The following ZIM3 variants were observed in gnomAD, a reference collection of about 807,000 sequenced individuals.
ZIM3 encodes zinc finger imprinted 3, also known as zinc finger protein 657.
Under a neutral mutation model 12.9 loss-of-function variants are expected in ZIM3, and 11 were observed. The observed-to-expected ratio is 0.85, with a 90% confidence interval of 0.54 to 1.41. ZIM3 has a LOEUF of 1.41. Among genes scored for constraint, ZIM3 ranks in the 40% most tolerant of loss-of-function variants. The pLI is 0.00. For synonymous variants in ZIM3, 205 were observed against 198.5 expected (o/e 1.03, Z -0.28); for missense variants, 604 against 557.2 (o/e 1.08, Z -0.85).
intron 3 of ZIM3, among the ~76,000 whole-genome samples, chr19:57,137,385 G>A (rs2086891559): frequency 1.3e-5 from 2 of 152,096 alleles, no homozygotes; most frequent in South Asian, 2.1e-4. Flanking sequence ...CTATTCAGGA[G>A]GCTGAGGTGG....
chr19:57,138,169 C>G (rs10401356), intron 3 of ZIM3, among the ~76,000 whole-genome samples: 2,718 of 150,502 alleles, frequency 0.018, 127 homozygotes, highest in African/African-American at 0.064. Flanking sequence ...AATGCTTTTT[C>G]TTCTTGGAGG....
Position 57,135,378 on chromosome 19 carries a change from G to T in ZIM3, c.959C>A (p.Ser320Ter). The T allele has an allele frequency of 1.9e-6, 3 of 1,613,908 alleles. No individual in the cohort carries two copies. The highest frequency in any genetic ancestry group is 2.5e-6 in the Non-Finnish European group (3 of 1,179,870). The change falls in exon 5 of 5, where the codon TCA becomes TAA. Residue 320 changes from serine (S) to a stop codon, truncating the protein, a stop_gained. Transcript: ENST00000269834. LOFTEE classifies it low-confidence loss of function (END_TRUNC). ...TDCGKAFIYK[S>*]DLVKHQRIHT... ...TATTCTCTGGTGTTTCACAAGATCTGACTTGTAAATGAAAGCCTTTCCACA... is the reference window on the plus strand; with the variant it reads ...TATTCTCTGGTGTTTCACAAGATCTTACTTGTAAATGAAAGCCTTTCCACA...
In ZIM3 at chr19:57,134,836, A is replaced by G. The variant is rs753611378; in HGVS notation, c.*82T>C. The G allele has an allele frequency of 1.2e-4, 171 of 1,395,366 alleles. No individual in the cohort carries two copies. The highest frequency in any genetic ancestry group is 1.6e-4 in the Non-Finnish European group (159 of 1,023,618). 86.4% of individuals were successfully genotyped at this position (1,395,366 alleles called of 1,614,324 possible). On this transcript the variant is annotated 3_prime_UTR_variant, in exon 5 of 5. Transcript: ENST00000269834. ...TACCTTCAAAAATAGCCTCCAAATT[A>G]GAGGCCATTTCAACATGGAATTCTG...
rs201539143 is a variant in ZIM3 at position 57,135,165 on chromosome 19, T to C, written c.1172A>G (p.Tyr391Cys). 1.4e-5 allele frequency: 23 copies of C among 1,614,126 alleles called. No individual in the cohort carries two copies. In the African/African-American group the frequency reaches 2.1e-4, roughly 15 times the overall value. Residue 391 changes from tyrosine (Y) to cysteine (C), a missense_variant, in exon 5 of 5, where the codon TAT becomes TGT. Transcript: ENST00000269834. ...HKKIHTGEKP[Y>C]ECNRCGKAFF... Reference sequence around the variant, plus strand: ...GGCTTTTCCACATCTGTTACATTCATAGGGCTTTTCCCCAGTATGGATTTT... The same window carrying C: ...GGCTTTTCCACATCTGTTACATTCACAGGGCTTTTCCCCAGTATGGATTTT...
At chr19:57,141,331 G>A (rs2086912630) in intron 2 of ZIM3, among the ~76,000 whole-genome samples, 1 of 150,636 alleles carries the variant, frequency 6.6e-6, no homozygotes, top group African/African-American at 2.4e-5. Context: ...AACCTGGGAG[G>A]TGGAGGTTGC....
Position 57,136,043 on chromosome 19 carries a change from CTCTT to C in ZIM3, c.290_293del (p.Lys97ArgfsTer15). The C allele has an allele frequency of 1.9e-6, 3 of 1,614,084 alleles. No homozygotes were observed. The highest frequency in any genetic ancestry group is 2.5e-6 in the Non-Finnish European group (3 of 1,179,994). On this transcript the variant is annotated frameshift_variant, in exon 5 of 5. Coordinates refer to ENST00000269834, the MANE Select transcript of ZIM3 (RefSeq NM_052882.1). LOFTEE classifies it low-confidence loss of function (END_TRUNC). ...TTGATGGGACTTCTCTTGCGAGACT[CTCTT>C]TCACATCCTTTGGCTTCCAAATCTG...
intron 1 of ZIM3, among the ~76,000 whole-genome samples, chr19:57,143,306 G>A (rs1440358714): frequency 6.6e-6 from 1 of 150,946 alleles, no homozygotes; most frequent in Non-Finnish European, 1.5e-5. Flanking sequence ...ACTCCAGCCT[G>A]GGCGACAGAG....
intron 4 of ZIM3, 79 bp downstream of exon 4, chr19:57,136,794 G>T: frequency 8.0e-7 from 1 of 1,243,646 alleles, no homozygotes; most frequent in Non-Finnish European, 1.2e-6. Context: ...ACAGCTGGCT[G>T]CCAAACGACT....
intron 4 of ZIM3, among the ~76,000 whole-genome samples, 175 bp downstream of exon 4, chr19:57,136,698 G>C (rs944805794): frequency 1.3e-5 from 2 of 150,294 alleles, no homozygotes; most frequent in Non-Finnish European, 3.0e-5. Flanking sequence ...GAGTTTGCCT[G>C]CAAAGGAAAA....
At position 57,135,538 on chromosome 19, in the gene ZIM3, TG is replaced by T; in HGVS notation, c.798del (p.Cys266Ter). 1 of 1,614,050 alleles carries T rather than the reference TG, an allele frequency of 6.2e-7. No homozygotes were observed. On this transcript the variant is annotated frameshift_variant, in exon 5 of 5. Transcript: ENST00000269834. LOFTEE classifies it low-confidence loss of function (END_TRUNC). The stretch of plus-strand genomic sequence containing the variant: ...GCATTATGAATTTTCTCATGATTAA[TG>T]CAGGATGATTTCCAGGAAAAGGCTT... ...CGKAFSWKSS[C>X]INHEKIHNAK...
chr19:57,137,464 G>A (rs1002476730), intron 3 of ZIM3, among the ~76,000 whole-genome samples: 4 of 152,034 alleles, frequency 2.6e-5, no homozygotes, highest in Non-Finnish European at 2.9e-5. Flanking sequence ...TGTAATACCA[G>A]AACTTTGGGA....
Position 57,136,075 on chromosome 19 carries a change from C to T in ZIM3, c.262G>A (p.Gly88Arg). 1 of 1,605,564 alleles carries T rather than the reference C, an allele frequency of 6.2e-7. No individual in the cohort carries two copies. The highest frequency in any genetic ancestry group is 8.5e-7 in the Non-Finnish European group (1 of 1,176,452). ...GRAEKNGDIG[G>R]QIWKPKDVKE... The stretch of plus-strand genomic sequence containing the variant: ...ACATCCTTTGGCTTCCAAATCTGCC[C>T]TCCAATGTCCCCATTTTTTTCTAAA... The change falls in exon 5 of 5, where the codon GGG (glycine) becomes AGG (arginine). Residue 88 changes from glycine (G) to arginine (R), a missense_variant. Transcript: ENST00000269834.
In ZIM3 at chr19:57,134,762, G is replaced by A; in HGVS notation, c.*156C>T. On this transcript the variant is annotated 3_prime_UTR_variant, in exon 5 of 5. Transcript: ENST00000269834. The stretch of plus-strand genomic sequence containing the variant: ...TATACTTAATAAACATTTGCTGAGT[G>A]AGTATGCCGAATGGGTTTTCAAAGG... 1 of 672,422 alleles carries A rather than the reference G, an allele frequency of 1.5e-6. No homozygotes were observed. Among genetic ancestry groups the A allele is most frequent in the Non-Finnish European group, 2.5e-6 (1 of 399,810 alleles). The allele number at this position is 672,422 out of a possible 1,614,324, so 41.7% of individuals were successfully genotyped here.
chr19:57,137,711 C>T (rs1323695823), intron 3 of ZIM3, among the ~76,000 whole-genome samples: 1 of 131,374 alleles, frequency 7.6e-6, no homozygotes, highest in Admixed American at 7.7e-5. Flanking sequence ...AGACTGTCTC[C>T]AAAAAAAAAA....
chr19:57,135,514 C>T lies in ZIM3; in HGVS notation c.823G>A (p.Ala275Thr). The T allele has an allele frequency of 6.2e-7, 1 of 1,614,002 alleles. No individual in the cohort carries two copies. Among genetic ancestry groups the T allele is most frequent in the Non-Finnish European group, 8.5e-7 (1 of 1,179,990 alleles). Residue 275 changes from alanine to threonine, a missense_variant, in exon 5 of 5, where the codon GCC becomes ACC. Coordinates refer to ENST00000269834, the MANE Select transcript of ZIM3 (RefSeq NM_052882.1). ...SCINHEKIHN[A>T]KKSYQCNECE... is the part of the protein sequence containing the mutation. ...TCATTACACTGATAGGATTTCTTGGCATTATGAATTTTCTCATGATTAATG... is the reference window on the plus strand; with the variant it reads ...TCATTACACTGATAGGATTTCTTGGTATTATGAATTTTCTCATGATTAATG...
At chr19:57,139,782 T>C (rs2086905687) in intron 2 of ZIM3, among the ~76,000 whole-genome samples, 1 of 152,178 alleles carries the variant, frequency 6.6e-6, no homozygotes, top group Admixed American at 6.5e-5. Context: ...TTCTTCCAGC[T>C]ACATCTAAAC....
Position 57,144,998 on chromosome 19 carries a change from C to A in ZIM3, c.-182G>T, listed in dbSNP as rs531760871. 2 of 152,262 alleles carry A rather than the reference C, an allele frequency of 1.3e-5. No individual in the cohort carries two copies. Among genetic ancestry groups the A allele is most frequent in the African/African-American group, 4.8e-5 (2 of 41,552 alleles). The allele number at this position is 152,262 out of a possible 1,614,324, so 9.4% of individuals were successfully genotyped here. A position where few individuals can be genotyped will look rare whatever the true frequency, so the allele number is the denominator to read the frequency against. On this transcript the variant is annotated 5_prime_UTR_variant, in exon 1 of 5. Coordinates refer to ENST00000269834, the MANE Select transcript of ZIM3 (RefSeq NM_052882.1). ...GACTAAAACTTAATCGGCCCTCTAC[C>A]CGCTGTATTCCGCATCATAATCCAG...
rs368765915 is a variant in ZIM3 at position 57,134,951 on chromosome 19, A to G, written c.1386T>C (p.Leu462=). The stretch of plus-strand genomic sequence containing the variant: ...AGTGAATTCTTTTCTGGTGCCTAAC[A>G]AGGTATGACCTGTCAGCGAAGGCTT... ...CGKAFADRSY[L]VRHQKRIHSR Residue 462 remains leucine, a synonymous_variant, in exon 5 of 5, where the codon CTT becomes CTC. Coordinates refer to ENST00000269834, the MANE Select transcript of ZIM3 (RefSeq NM_052882.1). 1.7e-5 allele frequency: 27 copies of G among 1,613,022 alleles called. No homozygotes were observed. The highest frequency in any genetic ancestry group is 2.3e-5 in the Non-Finnish European group (27 of 1,179,532).
intron 2 of ZIM3, among the ~76,000 whole-genome samples, chr19:57,140,041 G>A (rs2086906733): frequency 6.6e-6 from 1 of 152,186 alleles, no homozygotes; most frequent in Admixed American, 6.5e-5. Flanking sequence ...AGTCACACTT[G>A]TAAAGCGAAT....
Sources: gnomAD v4.1 joint callset for allele counts (sites outside exome capture counted in the v4.1 genomes callset) on GRCh38, gnomAD v4.1.1 for gene constraint, MANE v1.5 for transcripts, NCBI Gene and HGNC (gene_info 2026-07-23, HGNC 2026-07-21) for gene names.